POU6F2: variants seen among roughly 807,000 people sequenced by gnomAD.
POU6F2 encodes POU domain, class 6, transcription factor 2.
In POU6F2, 31 loss-of-function variants were observed where a neutral mutation model predicts 71.3. That is an observed-to-expected ratio of 0.43 (90% CI 0.33 to 0.59). POU6F2 has a LOEUF of 0.59. Among genes scored for constraint, POU6F2 ranks in the 20% least tolerant of loss-of-function variants. The probability of loss-of-function intolerance (pLI) is 0.04; values close to 1 mark genes in which losing one functional copy is unlikely to be tolerated. For missense variants in POU6F2, 783 were observed against 856.8 expected, an observed-to-expected ratio of 0.91 and a Z score of 1.07; for synonymous variants, 347 against 355.7, an observed-to-expected ratio of 0.98 and a Z score of 0.27.
rs1789532015 is a variant in POU6F2 at position 39,016,057 on chromosome 7, T to TATATATAATATATGATATATATC, written c.105+38012_105+38013insGATATATATCATATATAATATAT. On this transcript the variant is annotated intron_variant, in intron 1 of 9. Coordinates refer to ENST00000518318, the MANE Select transcript of POU6F2 (RefSeq NM_001370959.1). The stretch of plus-strand genomic sequence containing the variant: ...GATATATATTATATATTATATATAT[T>TATATATAATATATGATATATATC]ATATATAATATATAGATATATATTA... Among the ~76,000 whole-genome samples, 5 of 37,922 alleles carry TATATATAATATATGATATATATC rather than the reference T, an allele frequency of 1.3e-4. No individual in the cohort carries two copies. The Admixed American group carries it at 1.6e-3, about 12-fold the overall frequency. 24.9% of individuals were successfully genotyped at this position (37,922 alleles called of 152,430 possible). A position where few individuals can be genotyped will look rare whatever the true frequency, so the allele number is the denominator to read the frequency against.
chr7:39,118,845 T>C (rs897613104), intron 2 of POU6F2, among the ~76,000 whole-genome samples: 2 of 152,168 alleles, frequency 1.3e-5, no homozygotes, highest in African/African-American at 2.4e-5. Context: ...CATGACATTT[T>C]AGAAGATTCT....
At chr7:39,258,701 TA>T (rs5883681) in intron 4 of POU6F2, among the ~76,000 whole-genome samples, 229 of 145,006 alleles carry the variant, frequency 1.6e-3, no homozygotes, top group Middle Eastern at 3.6e-3. Context: ...TCTAGATGTT[TA>T]AAAAAAAAAA....
intron 1 of POU6F2, among the ~76,000 whole-genome samples, chr7:39,053,797 A>C (rs778368109): frequency 6.6e-6 from 1 of 152,102 alleles, no homozygotes; most frequent in Non-Finnish European, 1.5e-5. Flanking sequence ...CAAATAGAAC[A>C]ACAAAATGAA....
intron 1 of POU6F2, among the ~76,000 whole-genome samples, chr7:39,082,078 G>T (rs1243782628): frequency 2.0e-5 from 3 of 152,178 alleles, no homozygotes; most frequent in Non-Finnish European, 2.9e-5. Flanking sequence ...CAATAAGTGG[G>T]ACCTATATTT....
chr7:39,179,501 A>C (rs1793392975), intron 2 of POU6F2, among the ~76,000 whole-genome samples: 2 of 152,192 alleles, frequency 1.3e-5, no homozygotes, highest in African/African-American at 4.8e-5. Context: ...ATTATTATGC[A>C]TGGGACTGAG....
At chr7:39,216,936 A>C (rs767398982) in intron 4 of POU6F2, among the ~76,000 whole-genome samples, 5 of 151,710 alleles carry the variant, frequency 3.3e-5, no homozygotes, top group Non-Finnish European at 5.9e-5. Context: ...CTCCCCACCC[A>C]CACACACACC....
chr7:39,287,108 T>C (rs1261376839), intron 4 of POU6F2, among the ~76,000 whole-genome samples: 1 of 152,198 alleles, frequency 6.6e-6, no homozygotes, highest in Non-Finnish European at 1.5e-5. Flanking sequence ...AAAGCCTGCT[T>C]GTGCCCACAG....
intron 1 of POU6F2, among the ~76,000 whole-genome samples, chr7:38,989,800 T>C (rs1349690031): frequency 1.5e-5 from 2 of 136,416 alleles, no homozygotes; most frequent in African/African-American, 5.5e-5. Context: ...TCTGTGTGTG[T>C]TTGTGTGTGT....
intron 4 of POU6F2, among the ~76,000 whole-genome samples, chr7:39,225,411 A>G (rs1360918273): frequency 6.6e-6 from 1 of 152,212 alleles, no homozygotes; most frequent in African/African-American, 2.4e-5. Context: ...TTGAACTCTC[A>G]TAACAAAAGC....
Position 39,397,627 on chromosome 7 carries a change from G to A in POU6F2, c.973-8973G>A, listed in dbSNP as rs536043404. 7.5e-4 allele frequency among the ~76,000 whole-genome samples: 112 copies of A among 148,478 alleles called. 1 individual carries two copies. The highest frequency in any genetic ancestry group is 2.7e-3 in the African/African-American group (110 of 40,532). ...CCTGCCTCAGGCTCCCGAGTAGCTA[G>A]GATTACAGGCACACGCCACCACACC... is the stretch of plus-strand genomic sequence containing the variant. On this transcript the variant is annotated intron_variant, in intron 5 of 9. Coordinates refer to ENST00000518318, the MANE Select transcript of POU6F2 (RefSeq NM_001370959.1).
chr7:39,319,225 G>A (rs1253272947), intron 4 of POU6F2, among the ~76,000 whole-genome samples: 1 of 152,176 alleles, frequency 6.6e-6, no homozygotes, highest in Non-Finnish European at 1.5e-5. Flanking sequence ...CAGAAAGCCT[G>A]TAACTGGGAA....
chr7:39,408,186 C>A (rs1276192785), intron 6 of POU6F2, among the ~76,000 whole-genome samples: 2 of 152,202 alleles, frequency 1.3e-5, no homozygotes, highest in East Asian at 3.9e-4. Flanking sequence ...ATAGGACACC[C>A]TGCCTCACTC....
chr7:39,203,445 G>A lies in POU6F2; in HGVS notation c.278-790G>A, dbSNP rs1212831947. Among the ~76,000 whole-genome samples the A allele has an allele frequency of 2.0e-5, 3 of 152,194 alleles. No homozygotes were observed. In the East Asian group the frequency reaches 5.8e-4, roughly 29 times the overall value. ...TTATTTGTTTTGTTTGTTTGTTTGT[G>A]TATCTATTGTTTCTACCACTATCTT... On this transcript the variant is annotated intron_variant, in intron 2 of 9. Transcript: ENST00000518318.
intron 4 of POU6F2, among the ~76,000 whole-genome samples, chr7:39,211,873 C>T (rs1794148851): frequency 6.6e-6 from 1 of 152,210 alleles, no homozygotes; most frequent in African/African-American, 2.4e-5. Flanking sequence ...TTCTCTACTG[C>T]ATTGGATGGC....
chr7:39,157,195 A>G (rs1792888500), intron 2 of POU6F2, among the ~76,000 whole-genome samples: 1 of 152,182 alleles, frequency 6.6e-6, no homozygotes, highest in Non-Finnish European at 1.5e-5. Flanking sequence ...TAATGTTAAT[A>G]TTACATTAAG....
chr7:39,249,811 G>A (rs1390253386), intron 4 of POU6F2, among the ~76,000 whole-genome samples: 3 of 152,170 alleles, frequency 2.0e-5, no homozygotes, highest in Non-Finnish European at 2.9e-5. Context: ...GGTGCTTTTA[G>A]TGTCAGTCAG....
intron 6 of POU6F2, among the ~76,000 whole-genome samples, chr7:39,429,984 G>C (rs998475420): frequency 1.3e-5 from 2 of 152,128 alleles, no homozygotes; most frequent in Non-Finnish European, 2.9e-5. Flanking sequence ...AGCTCCCCCG[G>C]TTCCATTCTT....
intron 2 of POU6F2, among the ~76,000 whole-genome samples, chr7:39,203,805 T>G (rs61003868): frequency 0.37 from 56,664 of 151,892 alleles, 10,899 homozygotes; most frequent in South Asian, 0.49. Flanking sequence ...GAGTACGGAA[T>G]AAGAACTTGG....
chr7:39,334,550 G>A (rs1785725203), intron 4 of POU6F2, among the ~76,000 whole-genome samples: 1 of 151,602 alleles, frequency 6.6e-6, no homozygotes, highest in Non-Finnish European at 1.5e-5. Context: ...CTCCCAGCAA[G>A]TTTTCACCTT....
Sources: allele counts gnomAD v4.1 joint callset (sites outside exome capture counted in the v4.1 genomes callset), GRCh38; gene constraint gnomAD v4.1.1; transcripts MANE v1.5; gene names NCBI Gene and HGNC (gene_info 2026-07-23, HGNC 2026-07-21).